Variants in PCDHA2 observed in about 807,000 individuals in gnomAD.
The protein encoded by PCDHA2 is protocadherin alpha-2.
Under a neutral mutation model 66.0 loss-of-function variants are expected in PCDHA2, and 58 were observed. That is an observed-to-expected ratio of 0.88 (90% CI 0.71 to 1.09). The LOEUF is 1.09. Ranked by LOEUF, PCDHA2 falls within the 50% of genes least tolerant of loss-of-function variation. The pLI is 0.00. For missense variants in PCDHA2, 1,267 were observed against 1,242.3 expected (o/e 1.02, Z -0.30); for synonymous variants, 634 against 554.0 (o/e 1.14, Z -2.03).
intron 1 of PCDHA2, chr5:140,803,848 A>C: frequency 1.7e-6 from 1 of 598,176 alleles, no homozygotes. Context: ...TTTTATTGCT[A>C]AATGCCTGGG....
intron 1 of PCDHA2, among the ~76,000 whole-genome samples, chr5:140,819,032 C>A (rs2150102961): frequency 3.2e-4 from 48 of 152,278 alleles, no homozygotes; most frequent in African/African-American, 1.0e-3. Flanking sequence ...TTAGCACATT[C>A]CCTTATAGGG....
At chr5:140,803,486 G>T (rs1038889316) in intron 1 of PCDHA2, 3 of 1,614,260 alleles carry the variant, frequency 1.9e-6, no homozygotes, top group Non-Finnish European at 2.5e-6. Flanking sequence ...CTGGAGAGGG[G>T]TTGCCCAAGA....
Position 140,887,790 on chromosome 5 carries a change from T to C in PCDHA2, c.2388+90438T>C, listed in dbSNP as rs564215639. On this transcript the variant is annotated intron_variant, in intron 1 of 3. Coordinates refer to ENST00000526136, the MANE Select transcript of PCDHA2 (RefSeq NM_018905.3). ...ACAATGACACAGGTCATTGAAGCGT[T>C]CTTTATTTTTGTCCATTTCTTTCTC... Among the ~76,000 whole-genome samples, 4 of 152,288 alleles carry C rather than the reference T, an allele frequency of 2.6e-5. No individual in the cohort carries two copies. The East Asian group carries it at 7.7e-4, about 29-fold the overall frequency.
At chr5:140,845,025 G>A (rs1779666608) in intron 1 of PCDHA2, among the ~76,000 whole-genome samples, 1 of 149,154 alleles carries the variant, frequency 6.7e-6, no homozygotes, top group African/African-American at 2.5e-5. Flanking sequence ...TCATTTATGG[G>A]CATATTTTAG....
At chr5:140,797,475 T>A (rs782770758) in intron 1 of PCDHA2, 123 bp downstream of exon 1, 1 of 1,142,964 alleles carries the variant, frequency 8.7e-7, no homozygotes, top group Non-Finnish European at 1.2e-6. Context: ...ACCGTGCGAT[T>A]TTGAATATGA....
At chr5:140,894,710 G>A (rs1032103787) in intron 1 of PCDHA2, among the ~76,000 whole-genome samples, 1 of 151,116 alleles carries the variant, frequency 6.6e-6, no homozygotes, top group Non-Finnish European at 1.5e-5. Context: ...TGTTTAAGTT[G>A]TTTTCAAATA....
intron 1 of PCDHA2, chr5:140,803,470 T>A (rs1307758444): frequency 6.2e-7 from 1 of 1,613,888 alleles, no homozygotes; most frequent in Admixed American, 1.7e-5. Flanking sequence ...CAGCAGAGGG[T>A]GTGCTCTGGA....
At chr5:140,979,779 G>C (rs778402540) in intron 2 of PCDHA2, among the ~76,000 whole-genome samples, 1 of 152,186 alleles carries the variant, frequency 6.6e-6, no homozygotes, top group Non-Finnish European at 1.5e-5. Flanking sequence ...AAATGGGAAG[G>C]ACCAAGAAAC....
chr5:140,984,658 A>G (rs1421972508), intron 3 of PCDHA2, among the ~76,000 whole-genome samples: 1 of 152,146 alleles, frequency 6.6e-6, no homozygotes, highest in Non-Finnish European at 1.5e-5. Flanking sequence ...TCCTTCTGGT[A>G]CTTTTAGGTT....
intron 1 of PCDHA2, chr5:140,801,634 G>T (rs781799825): frequency 1.9e-6 from 3 of 1,614,002 alleles, no homozygotes; most frequent in South Asian, 2.2e-5. Flanking sequence ...TCCGAATCCC[G>T]ACAGCCTGGC....
At chr5:140,966,631 G>A in intron 1 of PCDHA2, 1 of 995,532 alleles carries the variant, frequency 1.0e-6, no homozygotes, top group Non-Finnish European at 1.4e-6. Flanking sequence ...AGCGGCCCCA[G>A]GCGCTTTCTA....
rs1365670963 is a variant in PCDHA2, at chr5:140,796,305, C to A, written c.1341C>A (p.Asp447Glu). ...CCAGCGTGTCCATCGAGGTGGCCGA[C>A]GTGAACGACAACGCGCCGGCGTTCG... ...ATTSVSIEVA[D>E]VNDNAPAFAQ... Residue 447 changes from aspartate to glutamate, a missense_variant, in exon 1 of 4, where the codon GAC becomes GAA. Asp to Glu is a conservative substitution (Grantham distance 45, BLOSUM62 2). Coordinates refer to ENST00000526136, the MANE Select transcript of PCDHA2 (RefSeq NM_018905.3). 6 of 1,614,044 alleles carry A rather than the reference C, an allele frequency of 3.7e-6. No homozygotes were observed. The highest frequency in any genetic ancestry group is 4.2e-6 in the Non-Finnish European group (5 of 1,180,046).
Position 140,829,552 on chromosome 5 carries a change from C to T in PCDHA2, c.2388+32200C>T, listed in dbSNP as rs1302023406. ...CGCGAGACGCGGACGCGCAGGAGAA[C>T]GCGCTGGTGTCCTACTCGCTGGTGG... On this transcript the variant is annotated intron_variant, in intron 1 of 3. Transcript: ENST00000526136. The T allele has an allele frequency of 3.1e-6, 5 of 1,612,754 alleles. No individual in the cohort carries two copies. In the Admixed American group the frequency reaches 6.7e-5, roughly 22 times the overall value.
chr5:140,879,078 A>G (rs1168166013), intron 1 of PCDHA2, among the ~76,000 whole-genome samples: 3 of 152,342 alleles, frequency 2.0e-5, no homozygotes, highest in African/African-American at 7.2e-5. Flanking sequence ...TAAGAGAGAT[A>G]AGTAGGAACA....
At chr5:140,968,253 C>A (rs782229675) in intron 1 of PCDHA2, 3 of 1,613,908 alleles carry the variant, frequency 1.9e-6, no homozygotes, top group Non-Finnish European at 2.5e-6. Flanking sequence ...GCCACAGACC[C>A]AGATGAAAAG....
Position 140,843,852 on chromosome 5 carries a change from T to A in PCDHA2, c.2388+46500T>A, listed in dbSNP as rs1779120193. 7.3e-6 allele frequency: 7 copies of A among 964,906 alleles called. 1 individual carries two copies. The highest frequency in any genetic ancestry group is 1.1e-5 in the Non-Finnish European group (7 of 652,752). 59.8% of individuals were successfully genotyped at this position (964,906 alleles called of 1,614,324 possible). ...TTGTTTAGTTTTTAGAAACCTTTTA[T>A]AATTAATTGAATTTTCTCAGTGGCA... On this transcript the variant is annotated intron_variant, in intron 1 of 3. Transcript: ENST00000526136.
chr5:140,897,947 T>G (rs1276045551), intron 1 of PCDHA2, among the ~76,000 whole-genome samples: 14 of 152,168 alleles, frequency 9.2e-5, no homozygotes, highest in African/African-American at 3.4e-4. Context: ...CAGTGATGAT[T>G]AGCATTTTTT....
chr5:140,887,081 T>C (rs2061290342), intron 1 of PCDHA2, among the ~76,000 whole-genome samples: 1 of 152,076 alleles, frequency 6.6e-6, no homozygotes, highest in Non-Finnish European at 1.5e-5. Context: ...TCAGCTTTTG[T>C]CTGAGAAATA....
At chr5:140,834,114 G>A in intron 1 of PCDHA2, 1 of 419,090 alleles carries the variant, frequency 2.4e-6, no homozygotes, top group Admixed American at 4.0e-5. Context: ...TTCAGAGTTT[G>A]AAATAAAACT....
Sources: gnomAD v4.1 joint callset for allele counts (sites outside exome capture counted in the v4.1 genomes callset) on GRCh38, gnomAD v4.1.1 for gene constraint, MANE v1.5 for transcripts, NCBI Gene and HGNC (gene_info 2026-07-23, HGNC 2026-07-21) for gene names.